ZIM2: variants seen among roughly 807,000 people sequenced by gnomAD.
ZIM2 encodes the protein zinc finger imprinted 2.
A neutral mutation model predicts 38.6 loss-of-function variants in ZIM2; 14 were observed. The observed-to-expected ratio is 0.36, with a 90% CI of 0.24 to 0.57. The LOEUF (loss-of-function observed/expected upper bound fraction) is 0.57. Among genes scored for constraint, ZIM2 ranks in the 20% least tolerant of loss-of-function variants. The probability of loss-of-function intolerance (pLI) is 0.81; values close to 1 mark genes in which losing one functional copy is unlikely to be tolerated. For missense variants in ZIM2, 680 were observed against 695.1 expected, an observed-to-expected ratio of 0.98 and a Z score of 0.24; for synonymous variants, 247 against 245.8, an observed-to-expected ratio of 1.00 and a Z score of -0.04.
chr19:56,824,733 C>T, intron 3 of ZIM2: 2 of 1,366,792 alleles, frequency 1.5e-6, no homozygotes, highest in East Asian at 2.3e-5. Context: ...ACCGTCAGTA[C>T]TCAGGGACCT....
Position 56,817,730 on chromosome 19 carries a change from T to C in ZIM2, c.490+16A>G. The C allele has an allele frequency of 6.2e-7, 1 of 1,607,954 alleles. No homozygotes were observed. The highest frequency in any genetic ancestry group is 1.1e-5 in the South Asian group (1 of 90,918). ...CTGGTTGTGTGGCTCCTCTGTGGGA[T>C]GTGCCTCCTGCTTACCTCGACTGGT... On this transcript the variant is annotated intron_variant, in intron 9 of 12. Transcript: ENST00000629319.
rs372687078 is a variant in ZIM2, at chr19:56,779,383, A to G, written c.829T>C (p.Cys277Arg). The G allele has an allele frequency of 3.0e-5, 48 of 1,613,604 alleles. No individual in the cohort carries two copies. Among genetic ancestry groups the G allele is most frequent in the Non-Finnish European group, 3.8e-5 (45 of 1,179,778 alleles). The change falls in exon 12 of 13, where the codon TGT becomes CGT. Residue 277 changes from cysteine to arginine, a missense_variant. Transcript: ENST00000629319. The stretch of plus-strand genomic sequence containing the variant: ...CTTCCCCCTCACTACTCACCTTGAC[A>G]AATCACTGTATGTCTGCTGTCTGTC... The part of the protein sequence containing the change: ...METDSRHTVI[C>R]QGESHDDPLE...
At chr19:56,782,566 C>A in intron 10 of ZIM2, 2 of 401,606 alleles carry the variant, frequency 5.0e-6, no homozygotes, top group South Asian at 1.9e-5. Flanking sequence ...ATTTTATACC[C>A]ATTCAATTAA....
intron 9 of ZIM2, among the ~76,000 whole-genome samples, chr19:56,793,705 C>A (rs958407177): frequency 6.6e-6 from 1 of 151,826 alleles, no homozygotes; most frequent in Non-Finnish European, 1.5e-5. Flanking sequence ...AAAAGTCAGA[C>A]AATACCAAGT....
intron 9 of ZIM2, chr19:56,798,448 T>C (rs1054341250): frequency 2.0e-4 from 30 of 152,226 alleles, no homozygotes; most frequent in Non-Finnish European, 3.8e-4. Context: ...TTATACCATA[T>C]ACAAAAATCA....
In ZIM2 at chr19:56,775,426, G is replaced by A. The variant is rs757195105; in HGVS notation, c.939C>T (p.Ser313=). The A allele has an allele frequency of 5.0e-6, 8 of 1,613,960 alleles. No homozygotes were observed. The highest frequency in any genetic ancestry group is 2.2e-5 in the East Asian group (1 of 44,880). The change falls in exon 13 of 13, where the codon AGC becomes AGT. Residue 313 remains serine, a synonymous_variant. Coordinates refer to ENST00000629319, the MANE Select transcript of ZIM2 (RefSeq NM_001387356.1). ...TTCTCTCAAATTCATCACTGCCATAGCTTCTTTCCGGAGTGAGGGTCTTGG... is the reference window on the plus strand; with the variant it reads ...TTCTCTCAAATTCATCACTGCCATAACTTCTTTCCGGAGTGAGGGTCTTGG... ...NDPKTLTPER[S]YGSDEFERSS... is the part of the protein sequence containing the mutation.
intron 1 of ZIM2, among the ~76,000 whole-genome samples, chr19:56,836,571 A>G (rs1415703932): frequency 6.6e-6 from 1 of 152,216 alleles, no homozygotes; most frequent in African/African-American, 2.4e-5. Flanking sequence ...GTATGTGTTC[A>G]ATCAATTAGA....
chr19:56,774,880 T>G lies in ZIM2; in HGVS notation c.1485A>C (p.Arg495Ser). Residue 495 changes from arginine to serine, a missense_variant, in exon 13 of 13, where the codon AGA (arginine) becomes AGC (serine). By Grantham distance (110) the Arg-to-Ser change is moderately radical (BLOSUM62 -1). Transcript: ENST00000629319. ...YQRKHDYVGE[R>S]ACQCCDCGRV... is the part of the protein sequence containing the mutation. ...TGCCACAGTCACAACACTGGCAGGC[T>G]CTCTCTCCAACGTAGTCATGTTTCC... The G allele has an allele frequency of 1.2e-6, 2 of 1,614,192 alleles. No individual in the cohort carries two copies. Among genetic ancestry groups the G allele is most frequent in the Non-Finnish European group, 1.7e-6 (2 of 1,180,038 alleles).
At chr19:56,812,113 C>CT (rs752513979) in intron 9 of ZIM2, 76 of 968,610 alleles carry the variant, frequency 7.8e-5, no homozygotes, top group South Asian at 1.4e-4. Context: ...TTTTGCAAAT[C>CT]TTTTTTTTTA....
intron 9 of ZIM2, chr19:56,813,007 C>T: frequency 1.0e-6 from 1 of 985,700 alleles, no homozygotes; most frequent in Non-Finnish European, 1.2e-6. Context: ...AGCTAAAGTA[C>T]TTATCTTTTC....
chr19:56,817,752 T>G lies in ZIM2; in HGVS notation c.484A>C (p.Ser162Arg), dbSNP rs1180113703. 3 of 1,613,882 alleles carry G rather than the reference T, an allele frequency of 1.9e-6. No individual in the cohort carries two copies. Among genetic ancestry groups the G allele is most frequent in the Admixed American group, 1.7e-5 (1 of 60,024 alleles). Residue 162 changes from serine to arginine, a missense_variant, in exon 9 of 13, where the codon AGT becomes CGT. Transcript: ENST00000629319. Reference sequence around the variant, plus strand: ...GGATGTGCCTCCTGCTTACCTCGACTGGTGCTTGGGTAGGCACTTCTCTTG... The same window carrying G: ...GGATGTGCCTCCTGCTTACCTCGACGGGTGCTTGGGTAGGCACTTCTCTTG... The part of the protein sequence containing the change: ...RSKRSAYPST[S>R]RGFLAQDSVP...
chr19:56,816,645 T>C (rs761554873), intron 9 of ZIM2: 2 of 1,613,770 alleles, frequency 1.2e-6, no homozygotes, highest in South Asian at 2.2e-5. Context: ...CACGTTCACG[T>C]TCACGTTCAT....
At chr19:56,812,431 T>TA in intron 9 of ZIM2, 1 of 979,118 alleles carries the variant, frequency 1.0e-6, no homozygotes, top group South Asian at 4.7e-5. Flanking sequence ...TTTTTTTTTT[T>TA]AATGCAAGTT....
chr19:56,789,846 C>A, intron 10 of ZIM2, 26 bp downstream of exon 10: 2 of 1,512,752 alleles, frequency 1.3e-6, no homozygotes, highest in Middle Eastern at 1.8e-4. Context: ...TATTTGATAA[C>A]CATGTCAGAG....
chr19:56,779,247 C>T (rs1340228961), intron 12 of ZIM2, 130 bp downstream of exon 12: 5 of 777,826 alleles, frequency 6.4e-6, no homozygotes, highest in Non-Finnish European at 1.0e-5. Flanking sequence ...AGAAAGGAGA[C>T]CAAGGGGAGT....
At chr19:56,795,149 G>A (rs1385671177) in intron 9 of ZIM2, among the ~76,000 whole-genome samples, 1 of 152,038 alleles carries the variant, frequency 6.6e-6, no homozygotes, top group African/African-American at 2.4e-5. Flanking sequence ...CTGCCTCCTG[G>A]GCTCAAGTGA....
intron 9 of ZIM2, among the ~76,000 whole-genome samples, chr19:56,792,598 GCTAAACACTGGGTATA>G (rs1721646582): frequency 6.7e-6 from 1 of 149,390 alleles, no homozygotes; most frequent in South Asian, 2.1e-4. Flanking sequence ...TTAAGTGGGA[GCTAAACACTGGGTATA>G]CATGGACTCT....
chr19:56,813,961 T>G (rs772702369), intron 9 of ZIM2: 1 of 1,614,140 alleles, frequency 6.2e-7, no homozygotes, highest in Non-Finnish European at 8.5e-7. Flanking sequence ...CTCTTGATCT[T>G]CACCTTCTTC....
chr19:56,775,821 G>T (rs2145819050), intron 12 of ZIM2, among the ~76,000 whole-genome samples: 1 of 152,270 alleles, frequency 6.6e-6, no homozygotes, highest in African/African-American at 2.4e-5. Context: ...ACAGTAAGTG[G>T]CCGGGCACAG....
Sources: gnomAD v4.1 joint callset for allele counts (sites outside exome capture counted in the v4.1 genomes callset) on GRCh38, gnomAD v4.1.1 for gene constraint, MANE v1.5 for transcripts, NCBI Gene and HGNC (gene_info 2026-07-23, HGNC 2026-07-21) for gene names.